Variants in MGMT observed in about 807,000 individuals in gnomAD.
The protein encoded by MGMT is O-6-methylguanine-DNA methyltransferase.
Under a neutral mutation model 15.9 loss-of-function variants are expected in MGMT, and 14 were observed. The observed-to-expected ratio is 0.88, with a 90% confidence interval of 0.58 to 1.37. The LOEUF is 1.37. Ranked by LOEUF, MGMT falls within the 40% of genes most tolerant of loss-of-function variation. The probability of loss-of-function intolerance (pLI) is 0.00; values close to 1 mark genes in which losing one functional copy is unlikely to be tolerated. For synonymous variants in MGMT, 130 were observed against 118.2 expected (o/e 1.10, Z -0.65); for missense variants, 282 against 268.1 (o/e 1.05, Z -0.36).
At chr10:129,484,425 G>A (rs1845388076) in intron 1 of MGMT, among the ~76,000 whole-genome samples, 1 of 152,152 alleles carries the variant, frequency 6.6e-6, no homozygotes, top group African/African-American at 2.4e-5. Context: ...TTACTTTAGA[G>A]ACTGCATTTT....
chr10:129,632,834 C>T (rs943382228), intron 2 of MGMT, among the ~76,000 whole-genome samples: 11 of 152,064 alleles, frequency 7.2e-5, no homozygotes, highest in Non-Finnish European at 1.5e-4. Context: ...TATTTGATTC[C>T]ATGTCTCATG....
chr10:129,736,020 A>G (rs1848556444), intron 3 of MGMT, among the ~76,000 whole-genome samples: 1 of 112,958 alleles, frequency 8.9e-6, no homozygotes, highest in Non-Finnish European at 1.8e-5. Flanking sequence ...TGTGGTGCTG[A>G]AAAAAATGTA....
chr10:129,506,636 C>T (rs903061183), intron 1 of MGMT, among the ~76,000 whole-genome samples: 2 of 152,104 alleles, frequency 1.3e-5, no homozygotes, highest in Non-Finnish European at 2.9e-5. Context: ...TTTCAAAGCC[C>T]CAGCTGCCCT....
intron 3 of MGMT, among the ~76,000 whole-genome samples, chr10:129,713,743 C>T (rs1266915616): frequency 6.6e-6 from 1 of 152,024 alleles, no homozygotes; most frequent in Non-Finnish European, 1.5e-5. Context: ...GGTGAGGGGT[C>T]TTCTGAGCTG....
At chr10:129,741,928 C>T (rs983677500) in intron 3 of MGMT, among the ~76,000 whole-genome samples, 5 of 152,228 alleles carry the variant, frequency 3.3e-5, no homozygotes, top group Non-Finnish European at 7.3e-5. Flanking sequence ...CAGGCCGTGG[C>T]TCTGAGCCTA....
chr10:129,520,102 T>C (rs544485821), intron 1 of MGMT, among the ~76,000 whole-genome samples: 58 of 152,306 alleles, frequency 3.8e-4, no homozygotes, highest in African/African-American at 1.3e-3. Context: ...AGCATCTGGT[T>C]TATCTGCGTG....
intron 2 of MGMT, among the ~76,000 whole-genome samples, chr10:129,548,953 G>A (rs935015853): frequency 6.6e-6 from 1 of 152,220 alleles, no homozygotes; most frequent in Admixed American, 6.5e-5. Flanking sequence ...CTGACCTTGG[G>A]TCTCTAGAAG....
rs188696544 is a variant in MGMT at position 129,667,217 on chromosome 10, C to T, written c.126-40678C>T. On this transcript the variant is annotated intron_variant, in intron 2 of 4. Transcript: ENST00000651593. ...ACGTGTTTCTTCCCATCTTTTCCTGCTGCTGCTCCCAGAAGTAACCCTATT... is the reference window on the plus strand; with the variant it reads ...ACGTGTTTCTTCCCATCTTTTCCTGTTGCTGCTCCCAGAAGTAACCCTATT... Among the ~76,000 whole-genome samples the T allele has an allele frequency of 3.8e-3, 578 of 152,300 alleles. 4 individuals carry two copies. The highest frequency in any genetic ancestry group is 0.013 in the African/African-American group (552 of 41,546).
chr10:129,602,128 T>G (rs1846830375), intron 2 of MGMT, among the ~76,000 whole-genome samples: 1 of 152,194 alleles, frequency 6.6e-6, no homozygotes, highest in Non-Finnish European at 1.5e-5. Context: ...TGACCTGGTC[T>G]TTAGGGGAGA....
chr10:129,733,612 T>A (rs1419848176), intron 3 of MGMT, among the ~76,000 whole-genome samples: 2 of 152,218 alleles, frequency 1.3e-5, no homozygotes, highest in East Asian at 3.9e-4. Context: ...GCTTTTGGTG[T>A]CTTAGACATG....
chr10:129,521,203 C>T (rs1296091697), intron 1 of MGMT, among the ~76,000 whole-genome samples: 1 of 152,152 alleles, frequency 6.6e-6, no homozygotes, highest in African/African-American at 2.4e-5. Flanking sequence ...CTCACCAGCT[C>T]CAAGTGCCCC....
chr10:129,602,207 G>A (rs1304182026), intron 2 of MGMT, among the ~76,000 whole-genome samples: 1 of 151,832 alleles, frequency 6.6e-6, no homozygotes, highest in Non-Finnish European at 1.5e-5. Context: ...CATTTTTATT[G>A]CTTTTTTTTT....
At chr10:129,697,973 G>A (rs1431284788) in intron 2 of MGMT, among the ~76,000 whole-genome samples, 1 of 152,212 alleles carries the variant, frequency 6.6e-6, no homozygotes, top group East Asian at 1.9e-4. Context: ...GGCACCAAGC[G>A]GTCAGTAGCC....
At chr10:129,614,932 A>G (rs928026161) in intron 2 of MGMT, among the ~76,000 whole-genome samples, 1 of 152,116 alleles carries the variant, frequency 6.6e-6, no homozygotes, top group South Asian at 2.1e-4. Context: ...GCATATTCCC[A>G]GTACTGTATT....
chr10:129,536,362 G>A lies in MGMT; in HGVS notation c.110G>A (p.Gly37Glu). 6.2e-7 allele frequency: 1 copy of A among 1,613,250 alleles called. No individual in the cohort carries two copies. Among genetic ancestry groups the A allele is most frequent in the East Asian group, 2.2e-5 (1 of 44,880 alleles). The change falls in exon 2 of 5, where the codon GGG becomes GAG. Residue 37 changes from glycine (G) to glutamate (E), a missense_variant. Physicochemically the swap from Gly to Glu is moderately conservative, Grantham distance 98. Transcript: ENST00000651593. ...CACGAAATAAAGCTCCTGGGCAAGG[G>A]GACGTCTGCAGCTGAGTAAGTATGA... ...GLHEIKLLGK[G>E]TSAADAVEVP...
At chr10:129,512,458 C>T (rs1297494034) in intron 1 of MGMT, among the ~76,000 whole-genome samples, 2 of 152,128 alleles carry the variant, frequency 1.3e-5, no homozygotes, top group African/African-American at 4.8e-5. Flanking sequence ...ACCACAGCCT[C>T]CCTGTGACTT....
At chr10:129,662,596 A>C (rs1037177530) in intron 2 of MGMT, among the ~76,000 whole-genome samples, 4 of 152,194 alleles carry the variant, frequency 2.6e-5, no homozygotes, top group African/African-American at 9.6e-5. Flanking sequence ...AAGCTGTGTC[A>C]GGAACTGTCA....
intron 1 of MGMT, among the ~76,000 whole-genome samples, chr10:129,487,444 A>G (rs1845419845): frequency 6.6e-6 from 1 of 152,100 alleles, no homozygotes; most frequent in Non-Finnish European, 1.5e-5. Context: ...GTGTGTATGT[A>G]TGGTATATAC....
chr10:129,744,063 C>T (rs138666195), intron 3 of MGMT, among the ~76,000 whole-genome samples: 59 of 152,360 alleles, frequency 3.9e-4, no homozygotes, highest in African/African-American at 1.3e-3. Flanking sequence ...AAAGCCTGTG[C>T]TTGTTCAGCC....
Sources: allele counts gnomAD v4.1 joint callset (sites outside exome capture counted in the v4.1 genomes callset), GRCh38; gene constraint gnomAD v4.1.1; transcripts MANE v1.5; gene names NCBI Gene and HGNC (gene_info 2026-07-23, HGNC 2026-07-21).